The following NCAPD3 variants were observed in gnomAD, a reference collection of about 807,000 sequenced individuals.
NCAPD3 encodes the protein non-SMC condensin II complex subunit D3.
NCAPD3 carries 105 observed loss-of-function variants against 182.9 expected under a neutral mutation model. The observed-to-expected ratio is 0.57, with a 90% CI of 0.49 to 0.68. The LOEUF (loss-of-function observed/expected upper bound fraction) is 0.68. Among genes scored for constraint, NCAPD3 ranks in the 30% least tolerant of loss-of-function variants. The pLI is 0.00. For missense variants in NCAPD3, 1,944 were observed against 1,837.0 expected, an observed-to-expected ratio of 1.06 and a Z score of -1.07; for synonymous variants, 815 against 679.9, an observed-to-expected ratio of 1.20 and a Z score of -3.09.
chr11:134,160,173 C>T (rs901565325), intron 28 of NCAPD3, 99 bp from the exon 29 acceptor site: 3 of 1,239,584 alleles, frequency 2.4e-6, no homozygotes, highest in Admixed American at 2.1e-5. Flanking sequence ...CAAACCTGCA[C>T]ATCCTGCACG....
In NCAPD3 at chr11:134,203,218, T is replaced by G; in HGVS notation, c.1469-20A>C. ...TAGGACCTAAAAACAAGAAGAAAGA[T>G]AAGAAGGAAGAAGTCAGTATCATAA... On this transcript the variant is annotated intron_variant, in intron 11 of 34. Coordinates refer to ENST00000534548, the MANE Select transcript of NCAPD3 (RefSeq NM_015261.3). 6.4e-7 allele frequency: 1 copy of G among 1,550,462 alleles called. No homozygotes were observed. The highest frequency in any genetic ancestry group is 8.9e-7 in the Non-Finnish European group (1 of 1,123,322).
At chr11:134,163,625 A>AG (rs1441856015) in intron 27 of NCAPD3, among the ~76,000 whole-genome samples, 3 of 146,230 alleles carry the variant, frequency 2.1e-5, no homozygotes, top group Non-Finnish European at 4.5e-5. Flanking sequence ...GCATGAACCC[A>AG]GGGGGGCAGA....
At chr11:134,164,411 G>T (rs75251976) in intron 27 of NCAPD3, among the ~76,000 whole-genome samples, 1 of 152,246 alleles carries the variant, frequency 6.6e-6, no homozygotes, top group Non-Finnish European at 1.5e-5. Context: ...ATGCTGGAGT[G>T]GGAAACAGGT....
At chr11:134,224,850 C>T (rs943486553), upstream of NCAPD3, 7 of 162,146 alleles carry the variant, frequency 4.3e-5, no homozygotes, top group Non-Finnish European at 9.3e-5. Context: ...GCGGGACTGG[C>T]TGGGACTGGC....
chr11:134,217,541 G>A (rs1239198127), intron 2 of NCAPD3, among the ~76,000 whole-genome samples: 1 of 152,114 alleles, frequency 6.6e-6, no homozygotes, highest in Admixed American at 6.5e-5. Flanking sequence ...CAGATTGCAG[G>A]CAATGGGAGC....
chr11:134,202,899 G>A lies in NCAPD3; in HGVS notation c.1532C>T (p.Ser511Phe). 6.3e-7 allele frequency: 1 copy of A among 1,597,968 alleles called. No individual in the cohort carries two copies. Among genetic ancestry groups the A allele is most frequent in the Non-Finnish European group, 8.5e-7 (1 of 1,175,758 alleles). ...ACGGTTAGATGTCTGCCTTTGGTAG[G>A]AAAAAGCTTTAAAAAAAAAATTACA... ...GTLLRNSSAF[S>F]YQRQTSNRSE... is the part of the protein sequence containing the mutation. The change falls in exon 13 of 35, where the codon TCC becomes TTC. Residue 511 changes from serine (S) to phenylalanine (F), a missense_variant. By Grantham distance (155) the Ser-to-Phe change is radical. Transcript: ENST00000534548.
At chr11:134,167,392 G>A (rs1431781709) in intron 27 of NCAPD3, among the ~76,000 whole-genome samples, 2 of 109,014 alleles carry the variant, frequency 1.8e-5, no homozygotes, top group Non-Finnish European at 3.7e-5. Context: ...GGAGCTTAGG[G>A]GAGCTGCACA....
At chr11:134,203,948 A>C in intron 10 of NCAPD3, 42 bp from the exon 11 acceptor site, 1 of 1,604,872 alleles carries the variant, frequency 6.2e-7, no homozygotes, top group South Asian at 1.1e-5. Flanking sequence ...AGATAGGAGT[A>C]AGAACCAAAG....
intron 7 of NCAPD3, 64 bp from the exon 8 acceptor site, chr11:134,206,796 G>A: frequency 6.6e-7 from 1 of 1,518,364 alleles, no homozygotes; most frequent in Non-Finnish European, 8.9e-7. Context: ...CAGACATAGT[G>A]ATGCAGACTG....
At chr11:134,223,994 G>T, upstream of NCAPD3, 1 of 1,568,378 alleles carries the variant, frequency 6.4e-7, no homozygotes, top group Non-Finnish European at 8.7e-7. Flanking sequence ...CGCGCGCCGA[G>T]TCGTTCCTGT....
At chr11:134,199,385 A>G (rs1944702382) in intron 13 of NCAPD3, among the ~76,000 whole-genome samples, 1 of 152,180 alleles carries the variant, frequency 6.6e-6, no homozygotes, top group Non-Finnish European at 1.5e-5. Context: ...GACCCTTATC[A>G]GCCCAGAGCA....
chr11:134,189,531 G>T (rs1944480614), intron 16 of NCAPD3, among the ~76,000 whole-genome samples: 1 of 152,140 alleles, frequency 6.6e-6, no homozygotes, highest in Non-Finnish European at 1.5e-5. Flanking sequence ...TTATTTAGAA[G>T]TATCTTTTTT....
At chr11:134,165,347 C>T (rs1006702131) in intron 27 of NCAPD3, among the ~76,000 whole-genome samples, 9 of 149,108 alleles carry the variant, frequency 6.0e-5, no homozygotes, top group South Asian at 2.1e-4. Flanking sequence ...GGGGCACACT[C>T]ATGAGCTTGG....
At chr11:134,156,853 A>G in intron 32 of NCAPD3, 165 bp downstream of exon 32, 1 of 592,702 alleles carries the variant, frequency 1.7e-6, no homozygotes, top group Non-Finnish European at 3.0e-6. Flanking sequence ...CTCATGGATC[A>G]AGCGACCGTG....
chr11:134,207,831 T>C (rs115604480), intron 7 of NCAPD3, among the ~76,000 whole-genome samples: 1,913 of 147,608 alleles, frequency 0.013, 33 homozygotes, highest in African/African-American at 0.045. Flanking sequence ...TTGTTTAAAA[T>C]ATTTAAAAGG....
chr11:134,153,590 T>G lies in NCAPD3; in HGVS notation c.4253-227A>C, dbSNP rs1943326788. 10 of 575,666 alleles carry G rather than the reference T, an allele frequency of 1.7e-5. No homozygotes were observed. In the South Asian group the frequency reaches 2.0e-4, roughly 11 times the overall value. The allele number at this position is 575,666 out of a possible 1,614,324, so 35.7% of individuals were successfully genotyped here. A position where few individuals can be genotyped will look rare whatever the true frequency, so the allele number is the denominator to read the frequency against. On this transcript the variant is annotated intron_variant, in intron 32 of 34. Transcript: ENST00000534548. ...TCTCTGACCCGCAGCCCTCAGGCACTCGGCTGGCCCCTGGGCCTCACTGTT... is the reference window on the plus strand; with the variant it reads ...TCTCTGACCCGCAGCCCTCAGGCACGCGGCTGGCCCCTGGGCCTCACTGTT...
Position 134,178,882 on chromosome 11 carries a change from C to G in NCAPD3, c.2614G>C (p.Glu872Gln), listed in dbSNP as rs528521155. Residue 872 changes from glutamate (E) to glutamine (Q), a missense_variant, in exon 21 of 35, where the codon GAG becomes CAG. Glu to Gln is a conservative substitution (Grantham distance 29). Around this residue, in one of 3 missense-constraint regions of NCAPD3, gnomAD observed 1,803 missense variants for 1,674.6 expected, o/e 1.08. Coordinates refer to ENST00000534548, the MANE Select transcript of NCAPD3 (RefSeq NM_015261.3). ...TGAATCAGAAGGAAGATGCGCTTCT[C>G]CACCCTGGCTGGACACAGCTGGGCT... ...DIAQLCPARV[E>Q]KRIFLLIQSV... 1.2e-6 allele frequency: 2 copies of G among 1,614,126 alleles called. No homozygotes were observed. Among genetic ancestry groups the G allele is most frequent in the South Asian group, 2.2e-5 (2 of 91,070 alleles).
At chr11:134,165,937 ACT>A (rs1438439540) in intron 27 of NCAPD3, among the ~76,000 whole-genome samples, 1 of 104,582 alleles carries the variant, frequency 9.6e-6, no homozygotes, top group South Asian at 4.0e-4. Flanking sequence ...GGAGCAGCAC[ACT>A]CACTTGTGAG....
At chr11:134,164,784 CG>C (rs1301777481) in intron 27 of NCAPD3, among the ~76,000 whole-genome samples, 1 of 148,300 alleles carries the variant, frequency 6.7e-6, no homozygotes, top group Non-Finnish European at 1.5e-5. Context: ...GCTGCACACT[CG>C]TGAAATGAAC....
Sources: gnomAD v4.1 joint callset for allele counts (sites outside exome capture counted in the v4.1 genomes callset) on GRCh38, gnomAD v4.1.1 for gene constraint, gnomAD v4.1.1 regional missense constraint, MANE v1.5 for transcripts, NCBI Gene and HGNC (gene_info 2026-07-23, HGNC 2026-07-21) for gene names.